Variants in FAM107B observed in about 807,000 individuals in gnomAD.
The protein encoded by FAM107B is family with sequence similarity 107 member B.
A neutral mutation model predicts 31.5 loss-of-function variants in FAM107B; 21 were observed. The ratio of observed to expected loss-of-function variants is 0.67; its 90% CI spans 0.47 to 0.96. FAM107B has a LOEUF of 0.96. Among genes scored for constraint, FAM107B ranks in the 40% least tolerant of loss-of-function variants. The probability of loss-of-function intolerance (pLI) is 0.00; values close to 1 mark genes in which losing one functional copy is unlikely to be tolerated. For synonymous variants in FAM107B, 157 were observed against 141.5 expected, an observed-to-expected ratio of 1.11 and a Z score of -0.78; for missense variants, 452 against 377.1, an observed-to-expected ratio of 1.20 and a Z score of -1.64.
intron 1 of FAM107B, among the ~76,000 whole-genome samples, chr10:14,740,130 T>C (rs894312359): frequency 2.0e-5 from 3 of 152,160 alleles, no homozygotes; most frequent in Admixed American, 6.5e-5. Context: ...TTTACCCAAA[T>C]GAATTCACAC....
intron 2 of FAM107B, among the ~76,000 whole-genome samples, chr10:14,594,625 G>A (rs1470992036): frequency 1.3e-5 from 2 of 152,084 alleles, no homozygotes; most frequent in Non-Finnish European, 2.9e-5. Context: ...GTGTGAAGAA[G>A]CAGTAAAGAC....
intron 3 of FAM107B, among the ~76,000 whole-genome samples, chr10:14,528,313 T>C (rs1319494268): frequency 2.6e-5 from 4 of 151,234 alleles, no homozygotes; most frequent in African/African-American, 7.3e-5. Flanking sequence ...TCCCGAGTGG[T>C]TGGGATTACA....
intron 1 of FAM107B, among the ~76,000 whole-genome samples, chr10:14,761,033 A>AAAAG (rs1301115923): frequency 2.6e-5 from 4 of 150,978 alleles, no homozygotes; most frequent in East Asian, 2.0e-4. Context: ...AAAAAAAAAA[A>AAAAG]AAAGAAAGAC....
intron 2 of FAM107B, chr10:14,553,458 T>A (rs1849440820): frequency 1.2e-6 from 1 of 868,222 alleles, no homozygotes; most frequent in Admixed American, 2.9e-5. Context: ...TCTATCTGCA[T>A]AATTTTCTAA....
intron 2 of FAM107B, among the ~76,000 whole-genome samples, chr10:14,662,735 G>A (rs1326761886): frequency 6.6e-6 from 1 of 152,202 alleles, no homozygotes; most frequent in Non-Finnish European, 1.5e-5. Context: ...GTATGTGCCT[G>A]AGTGCATGCC....
At chr10:14,575,498 C>T (rs758103319) in intron 2 of FAM107B, among the ~76,000 whole-genome samples, 10 of 152,182 alleles carry the variant, frequency 6.6e-5, no homozygotes, top group South Asian at 2.1e-4. Context: ...ACACTGCGCC[C>T]GGCCAAGAAG....
chr10:14,682,662 G>T (rs981961206), intron 1 of FAM107B, among the ~76,000 whole-genome samples: 1 of 152,116 alleles, frequency 6.6e-6, no homozygotes, highest in South Asian at 2.1e-4. Flanking sequence ...AGCCTCACAT[G>T]TTCTCACTTA....
chr10:14,646,977 G>A (rs1853773086), intron 2 of FAM107B, among the ~76,000 whole-genome samples: 1 of 151,676 alleles, frequency 6.6e-6, no homozygotes, highest in Admixed American at 6.6e-5. Flanking sequence ...TGTATTTTTA[G>A]TAGAGACGGG....
At chr10:14,568,539 C>A (rs367698630) in intron 2 of FAM107B, among the ~76,000 whole-genome samples, 2 of 147,988 alleles carry the variant, frequency 1.4e-5, no homozygotes, top group African/African-American at 5.1e-5. Flanking sequence ...AGGGTTAGAC[C>A]AGGAGGTGAA....
At chr10:14,548,259 C>A (rs1361758289) in intron 2 of FAM107B, among the ~76,000 whole-genome samples, 1 of 152,068 alleles carries the variant, frequency 6.6e-6, no homozygotes, top group Non-Finnish European at 1.5e-5. Context: ...AGAGCAGACG[C>A]GACAGACGCA....
intron 2 of FAM107B, among the ~76,000 whole-genome samples, chr10:14,603,914 G>A (rs1038972276): frequency 3.1e-4 from 46 of 150,734 alleles, no homozygotes; most frequent in Non-Finnish European, 5.3e-4. Context: ...CACCGCGCCG[G>A]GTAGGGCTCC....
chr10:14,628,112 G>GGTTTTTTTTGT (rs1440347763), intron 2 of FAM107B, among the ~76,000 whole-genome samples: 1 of 92,676 alleles, frequency 1.1e-5, no homozygotes, highest in African/African-American at 3.9e-5. Flanking sequence ...TGTTTTGCTG[G>GGTTTTTTTTGT]TTTTTTTTTT....
intron 2 of FAM107B, among the ~76,000 whole-genome samples, chr10:14,648,159 G>A (rs1203737380): frequency 6.6e-6 from 1 of 152,190 alleles, no homozygotes; most frequent in Non-Finnish European, 1.5e-5. Context: ...AACAAAGAAG[G>A]AAGTGTCATC....
intron 2 of FAM107B, among the ~76,000 whole-genome samples, chr10:14,599,574 A>T (rs35346856): frequency 0.19 from 28,433 of 152,132 alleles, 2,804 homozygotes; most frequent in East Asian, 0.39. Context: ...AGGCCAAGGC[A>T]GGAGGATCAC....
chr10:14,728,971 A>C (rs1231242687), intron 1 of FAM107B, among the ~76,000 whole-genome samples: 2 of 151,994 alleles, frequency 1.3e-5, no homozygotes, highest in East Asian at 3.9e-4. Flanking sequence ...TCAATTCTCA[A>C]CTCTTCAAGT....
At chr10:14,532,084 T>A (rs73599376) in intron 2 of FAM107B, among the ~76,000 whole-genome samples, 1,624 of 152,340 alleles carry the variant, frequency 0.011, 29 homozygotes, top group African/African-American at 0.037. Flanking sequence ...CAAATCAATC[T>A]ATGCTACAAA....
At chr10:14,666,079 G>A (rs1214406189) in intron 2 of FAM107B, among the ~76,000 whole-genome samples, 1 of 152,144 alleles carries the variant, frequency 6.6e-6, no homozygotes, top group African/African-American at 2.4e-5. Context: ...ACTGTCCAAG[G>A]TGCTAGGGAT....
chr10:14,663,409 C>T (rs1472187576), intron 2 of FAM107B: 4 of 152,290 alleles, frequency 2.6e-5, no homozygotes, highest in Non-Finnish European at 5.9e-5. Context: ...TTCGTCTCCC[C>T]CATCCAAGTA....
At chr10:14,545,320 G>A (rs1207028413) in intron 2 of FAM107B, among the ~76,000 whole-genome samples, 1 of 152,128 alleles carries the variant, frequency 6.6e-6, no homozygotes, top group Non-Finnish European at 1.5e-5. Flanking sequence ...GCATCCCCCT[G>A]TTGTCTGATC....
Sources: gnomAD v4.1 joint callset for allele counts (sites outside exome capture counted in the v4.1 genomes callset) on GRCh38, gnomAD v4.1.1 for gene constraint, MANE v1.5 for transcripts, NCBI Gene and HGNC (gene_info 2026-07-23, HGNC 2026-07-21) for gene names.